Variants in PCNT observed in about 807,000 individuals in gnomAD.
PCNT encodes kendrin.
In PCNT, 319 loss-of-function variants were observed where a neutral mutation model predicts 380.4. The observed-to-expected ratio is 0.84, with a 90% confidence interval of 0.77 to 0.92. The LOEUF is 0.92. PCNT is among the 40% of genes least tolerant of loss of function. The pLI, the probability that PCNT is intolerant of heterozygous loss-of-function variation, is 0.00. For synonymous variants in PCNT, 1,845 were observed against 1,735.2 expected (o/e 1.06, Z -1.57); for missense variants, 4,400 against 4,255.3 (o/e 1.03, Z -0.95).
In PCNT at chr21:46,429,181, G is replaced by GGC. The variant is rs536012978; in HGVS notation, c.7690+594_7690+595dup. ...CAGTTCAGCCCACGGCCCTTGTCCC[G>GGC]GCGCCCATGCCCTTTGTGCTCTCTG... On this transcript the variant is annotated intron_variant, in intron 35 of 46. Coordinates refer to ENST00000359568, the MANE Select transcript of PCNT (RefSeq NM_006031.6). 4.4e-3 allele frequency among the ~76,000 whole-genome samples: 667 copies of GGC among 152,276 alleles called. 5 individuals carry two copies. Among genetic ancestry groups the GGC allele is most frequent in the African/African-American group, 0.015 (632 of 41,558 alleles).
chr21:46,402,461 A>G lies in PCNT; in HGVS notation c.5093A>G (p.Glu1698Gly). ...ACTGCTGTCAGCCTCAGAGAACTTG[A>G]GGAAGAGAACACGAGCTTGAAGGTA... ...SQTAVSLREL[E>G]EENTSLKVIY... is the part of the protein sequence containing the mutation. Residue 1698 changes from glutamate to glycine, a missense_variant, in exon 27 of 47, where the codon GAG becomes GGG. Coordinates refer to ENST00000359568, the MANE Select transcript of PCNT (RefSeq NM_006031.6). 6.2e-7 allele frequency: 1 copy of G among 1,614,108 alleles called. No homozygotes were observed.
Position 46,416,532 on chromosome 21 carries a change from A to G in PCNT, c.6614A>G (p.His2205Arg), listed in dbSNP as rs1414883726. The change falls in exon 30 of 47, where the codon CAC becomes CGC. Residue 2205 changes from histidine to arginine, a missense_variant. Physicochemically the swap from His to Arg is conservative, Grantham distance 29. Coordinates refer to ENST00000359568, the MANE Select transcript of PCNT (RefSeq NM_006031.6). Reference protein sequence around the residue: ...SVLGGSRHQSHTAEAGPRKSP... With the variant: ...SVLGGSRHQSRTAEAGPRKSP... ...CTTGGTGGCTCCCGCCACCAGAGCC[A>G]CACTGCAGAGGCTGGGCCCCGGAAG... 2 of 1,613,648 alleles carry G rather than the reference A, an allele frequency of 1.2e-6. No homozygotes were observed.
chr21:46,334,493 G>A lies in PCNT; in HGVS notation c.364G>A (p.Val122Ile), dbSNP rs1166231697. 8.7e-6 allele frequency: 14 copies of A among 1,612,710 alleles called. No homozygotes were observed. The highest frequency in any genetic ancestry group is 1.2e-5 in the Non-Finnish European group (14 of 1,179,052). The change falls in exon 3 of 47, where the codon GTC becomes ATC. Residue 122 changes from valine (V) to isoleucine (I), a missense_variant. Val to Ile is a conservative substitution (Grantham distance 29). Transcript: ENST00000359568. ...HPPEQCGMFTVSDHPPEQHGM... is the reference protein window; with the variant it reads ...HPPEQCGMFTISDHPPEQHGM... ...TCCAGAGCAGTGTGGGATGTTCACA[G>A]TCAGTGACCACCCACCAGAACAGCA... is the stretch of plus-strand genomic sequence containing the variant.
intron 12 of PCNT, among the ~76,000 whole-genome samples, chr21:46,356,282 G>T (rs752103180): frequency 2.2e-4 from 33 of 152,200 alleles, no homozygotes; most frequent in Non-Finnish European, 3.8e-4. Flanking sequence ...TCCATTCTGG[G>T]CTGTGGCCAA....
intron 12 of PCNT, among the ~76,000 whole-genome samples, chr21:46,356,738 G>T (rs1488625008): frequency 6.6e-6 from 1 of 152,248 alleles, no homozygotes; most frequent in African/African-American, 2.4e-5. Flanking sequence ...GTGGGCCCAG[G>T]ACATCCCTGT....
At chr21:46,427,926 C>A in intron 34 of PCNT, 131 bp downstream of exon 34, 1 of 1,015,610 alleles carries the variant, frequency 9.8e-7, no homozygotes, top group Non-Finnish European at 1.5e-6. Flanking sequence ...ATGTGGCTGT[C>A]ACTTACCCAG....
rs1210274793 is a variant in PCNT at position 46,416,123 on chromosome 21, C to T, written c.6205C>T (p.Gln2069Ter). The T allele has an allele frequency of 1.2e-6, 2 of 1,614,024 alleles. No homozygotes were observed. Among genetic ancestry groups the T allele is most frequent in the Admixed American group, 3.3e-5 (2 of 60,008 alleles). ...CQLPKVDLVA[Q>*]VKQLQEKLNR... is the part of the protein sequence containing the mutation. ...GCTGCCGAAGGTCGATCTCGTAGCT[C>T]AGGTGAAACAGCTTCAGGAAAAACT... Residue 2069 changes from glutamine to a stop codon, truncating the protein, a stop_gained, in exon 30 of 47, where the codon CAG (glutamine) becomes TAG (stop). Transcript: ENST00000359568. LOFTEE classifies it high-confidence loss of function.
At chr21:46,365,996 G>A (rs1321629805) in intron 14 of PCNT, among the ~76,000 whole-genome samples, 1 of 150,700 alleles carries the variant, frequency 6.6e-6, no homozygotes, top group Non-Finnish European at 1.5e-5. Flanking sequence ...TCACTGCCGT[G>A]GGGTTCTGTT....
intron 28 of PCNT, among the ~76,000 whole-genome samples, chr21:46,412,506 G>T (rs1290899186): frequency 6.6e-6 from 1 of 152,166 alleles, no homozygotes; most frequent in South Asian, 2.1e-4. Context: ...GTCTTTTAAG[G>T]CTTCCACTTG....
rs975845876 is a variant in PCNT, at chr21:46,431,970, G to A, written c.8506G>A (p.Glu2836Lys). Residue 2836 changes from glutamate to lysine, a missense_variant, in exon 38 of 47, where the codon GAG (glutamate) becomes AAG (lysine). By Grantham distance (56) the Glu-to-Lys change is moderately conservative (BLOSUM62 1). Transcript: ENST00000359568. ...AQKHCEALRREKEVSATLKST... is the reference protein window; with the variant it reads ...AQKHCEALRRKKEVSATLKST... ...GAAGCACTGTGAGGCGCTCAGGAGA[G>A]AGAAGGAGGTAAGTGCCACACTGAA... 1.9e-6 allele frequency: 3 copies of A among 1,614,032 alleles called. No homozygotes were observed. Among genetic ancestry groups the A allele is most frequent in the Admixed American group, 3.3e-5 (2 of 60,034 alleles).
intron 15 of PCNT, among the ~76,000 whole-genome samples, chr21:46,372,349 G>A (rs754833705): frequency 1.3e-5 from 2 of 151,584 alleles, no homozygotes; most frequent in East Asian, 2.0e-4. Flanking sequence ...ACATGCACAC[G>A]TGCTTACACA....
At chr21:46,381,196 CTGTGTGTGTGTG>C (rs10523538) in intron 15 of PCNT, among the ~76,000 whole-genome samples, 12,504 of 121,980 alleles carry the variant, frequency 0.1, 940 homozygotes, top group African/African-American at 0.15. Context: ...AAAAAAATCT[CTGTGTGTGTGTG>C]TGTGTGTGTG....
chr21:46,392,625 C>T (rs1267180212), intron 21 of PCNT, among the ~76,000 whole-genome samples: 1 of 152,234 alleles, frequency 6.6e-6, no homozygotes, highest in African/African-American at 2.4e-5. Context: ...CGTGGTGCCC[C>T]AGCCTTTCCA....
In PCNT at chr21:46,356,485, A is replaced by G. The variant is rs1296748654; in HGVS notation, c.1937-489A>G. On this transcript the variant is annotated intron_variant, in intron 12 of 46. Transcript: ENST00000359568. ...CTTCTGCTTTTTTCCTCTTCTGCAG[A>G]AGAAGAGATGGGCCAGTGGGGGTAG... Among the ~76,000 whole-genome samples, 5 of 152,226 alleles carry G rather than the reference A, an allele frequency of 3.3e-5. No homozygotes were observed. The South Asian group carries it at 8.3e-4, about 25-fold the overall frequency.
At chr21:46,433,803 GCT>G (rs1430923685) in intron 38 of PCNT, among the ~76,000 whole-genome samples, 4 of 151,880 alleles carry the variant, frequency 2.6e-5, no homozygotes, top group Admixed American at 2.0e-4. Flanking sequence ...GTAGAGTCTC[GCT>G]CTGTCTTCCA....
rs533495677 is a variant in PCNT, at chr21:46,332,773, A to G, written c.268-1624A>G. Reference sequence around the variant, plus strand: ...GTCGACACTGTCATGTTTCTTTGCTATTTTGGGAAGAAATTGAAATGTTCT... The same window carrying G: ...GTCGACACTGTCATGTTTCTTTGCTGTTTTGGGAAGAAATTGAAATGTTCT... On this transcript the variant is annotated intron_variant, in intron 2 of 46. Coordinates refer to ENST00000359568, the MANE Select transcript of PCNT (RefSeq NM_006031.6). Among the ~76,000 whole-genome samples, 41 of 152,310 alleles carry G rather than the reference A, an allele frequency of 2.7e-4. 2 individuals carry two copies. In the South Asian group the frequency reaches 7.7e-3, roughly 28 times the overall value.
At position 46,428,477 on chromosome 21, in the gene PCNT, C is replaced by G. The variant is rs746987536; in HGVS notation, c.7577C>G (p.Ala2526Gly). Residue 2526 changes from alanine (A) to glycine (G), a missense_variant, in exon 35 of 47, where the codon GCC becomes GGC. Ala to Gly is a moderately conservative substitution (Grantham distance 60). Transcript: ENST00000359568. Reference protein sequence around the residue: ...SLLSEIQALRAQLRMTHLQNQ... With the variant: ...SLLSEIQALRGQLRMTHLQNQ... The stretch of plus-strand genomic sequence containing the variant: ...CTGTCCGAGATCCAGGCGCTGCGTG[C>G]CCAGCTGCGCATGACGCACCTGCAG... The G allele has an allele frequency of 4.2e-5, 67 of 1,612,112 alleles. 1 individual carries two copies. The Middle Eastern group carries it at 2.2e-3, about 52-fold the overall frequency.
At chr21:46,424,666 C>T (rs1462238370) in intron 32 of PCNT, among the ~76,000 whole-genome samples, 1 of 152,098 alleles carries the variant, frequency 6.6e-6, no homozygotes, top group African/African-American at 2.4e-5. Flanking sequence ...GGCCAAGCAG[C>T]TTCAGGGCCT....
rs1171568299 is a variant in PCNT at position 46,440,129 on chromosome 21, G to A, written c.9320G>A (p.Ser3107Asn). ...AWKPDETAPQ[S>N]SLRRPDPGRL... ...AAGCCAGACGAAACGGCTCCACAGA[G>A]TTCCCTGAGGCGCCCAGACCCCGGC... The change falls in exon 42 of 47, where the codon AGT becomes AAT. Residue 3107 changes from serine to asparagine, a missense_variant. Physicochemically the swap from Ser to Asn is conservative, Grantham distance 46. Coordinates refer to ENST00000359568, the MANE Select transcript of PCNT (RefSeq NM_006031.6). 2 of 1,614,158 alleles carry A rather than the reference G, an allele frequency of 1.2e-6. No individual in the cohort carries two copies. Among genetic ancestry groups the A allele is most frequent in the Non-Finnish European group, 8.5e-7 (1 of 1,180,028 alleles).
Sources: allele counts gnomAD v4.1 joint callset (sites outside exome capture counted in the v4.1 genomes callset), GRCh38; gene constraint gnomAD v4.1.1; transcripts MANE v1.5; gene names NCBI Gene and HGNC (gene_info 2026-07-23, HGNC 2026-07-21).